The following AP1M1 variants were observed in gnomAD, a reference collection of about 807,000 sequenced individuals.
AP1M1 encodes adaptor related protein complex 1 subunit mu 1, also known as AP-1 complex subunit mu-1.
In AP1M1, 18 loss-of-function variants were observed where a neutral mutation model predicts 57.1. The observed-to-expected ratio is 0.32, with a 90% CI of 0.22 to 0.47. The LOEUF (loss-of-function observed/expected upper bound fraction) is 0.47. AP1M1 is among the 20% of genes least tolerant of loss of function. AP1M1 has a pLI of 1.00. For missense variants in AP1M1, 362 were observed against 593.5 expected (o/e 0.61, Z 4.05); for synonymous variants, 241 against 237.9 (o/e 1.01, Z -0.12).
In AP1M1 at chr19:16,228,169, C is replaced by CG; in HGVS notation, c.850dup (p.Glu284GlyfsTer36). 6.2e-7 allele frequency: 1 copy of CG among 1,613,828 alleles called. No individual in the cohort carries two copies. The highest frequency in any genetic ancestry group is 8.5e-7 in the Non-Finnish European group (1 of 1,180,006). On this transcript the variant is annotated frameshift_variant, in exon 8 of 12. Coordinates refer to ENST00000291439, the MANE Select transcript of AP1M1 (RefSeq NM_032493.4). LOFTEE classifies it high-confidence loss of function. The surrounding 1 kb of genome is among the most constrained non-coding windows in gnomAD (Gnocchi z 5.0). Reference sequence around the variant, plus strand: ...CTTTGATATGGATCGAGTCGGTGATCGAGAAGCACTCCCACAGCCGCATCG... The same window carrying CG: ...CTTTGATATGGATCGAGTCGGTGATCGGAGAAGCACTCCCACAGCCGCATCG...
At position 16,239,211 on chromosome 19, in the gene AP1M1, G is replaced by C. The variant is rs775740033; in HGVS notation, c.*4776G>C. 3 of 133,416 alleles carry C rather than the reference G, an allele frequency of 2.2e-5. No individual in the cohort carries two copies. The highest frequency in any genetic ancestry group is 3.1e-5 in the Non-Finnish European group (2 of 64,270). The allele number at this position is 133,416 out of a possible 1,614,324, so 8.3% of individuals were successfully genotyped here. On this transcript the variant is annotated 3_prime_UTR_variant, in exon 12 of 12. Coordinates refer to ENST00000291439, the MANE Select transcript of AP1M1 (RefSeq NM_032493.4). ...CCTTCCCAAAGTGCTGGGATTACAG[G>C]CATGAGCCACCGCGCCCGGCCAGTT... is the stretch of plus-strand genomic sequence containing the variant.
intron 1 of AP1M1, among the ~76,000 whole-genome samples, chr19:16,202,538 C>T (rs951513834): frequency 6.6e-6 from 1 of 152,184 alleles, no homozygotes; most frequent in Non-Finnish European, 1.5e-5. Context: ...AGGCACCCAC[C>T]GATGTGTTTT....
intron 9 of AP1M1, among the ~76,000 whole-genome samples, chr19:16,232,719 G>T (rs1012890254): frequency 2.6e-5 from 4 of 152,230 alleles, no homozygotes; most frequent in Admixed American, 2.0e-4. Context: ...GCCCTAGGCG[G>T]CAGTAGCTCC....
At chr19:16,198,210 G>C (rs2091432442) in intron 1 of AP1M1, 142 bp downstream of exon 1, 2 of 793,902 alleles carry the variant, frequency 2.5e-6, no homozygotes, top group Admixed American at 7.0e-5. Flanking sequence ...TCACCTGAGA[G>C]CCCCATCCTG....
At position 16,234,883 on chromosome 19, in the gene AP1M1, T is replaced by C; in HGVS notation, c.*448T>C. On this transcript the variant is annotated 3_prime_UTR_variant, in exon 12 of 12. Coordinates refer to ENST00000291439, the MANE Select transcript of AP1M1 (RefSeq NM_032493.4). ...AACGTTATGGGTTTATGGGTGTTCC[T>C]GGAACTTGTCTTTGTGCATTCGTTG... is the stretch of plus-strand genomic sequence containing the variant. The C allele has an allele frequency of 4.7e-6, 1 of 214,776 alleles. No homozygotes were observed. Among genetic ancestry groups the C allele is most frequent in the Non-Finnish European group, 9.4e-6 (1 of 106,114 alleles). 13.3% of individuals were successfully genotyped at this position (214,776 alleles called of 1,614,324 possible).
rs146150434 is a variant in AP1M1 at position 16,238,003 on chromosome 19, C to T, written c.*3568C>T. The T allele has an allele frequency of 5.6e-4, 85 of 152,138 alleles. No homozygotes were observed. Among genetic ancestry groups the T allele is most frequent in the African/African-American group, 1.9e-3 (80 of 41,508 alleles). 9.4% of individuals were successfully genotyped at this position (152,138 alleles called of 1,614,324 possible). On this transcript the variant is annotated 3_prime_UTR_variant, in exon 12 of 12. Transcript: ENST00000291439. The stretch of plus-strand genomic sequence containing the variant: ...ACAAGCACATGCCACCATGCTGGGC[C>T]AATTTTTCATATTTTTTATAGAGAT...
chr19:16,222,265 T>C (rs953495473), intron 5 of AP1M1, among the ~76,000 whole-genome samples: 4 of 150,672 alleles, frequency 2.7e-5, no homozygotes, highest in Non-Finnish European at 5.9e-5. Context: ...TGGAGAGCCA[T>C]GGAGCAAGCA....
intron 5 of AP1M1, among the ~76,000 whole-genome samples, chr19:16,220,652 A>G (rs949450983): frequency 2.0e-5 from 3 of 152,152 alleles, no homozygotes; most frequent in Admixed American, 1.3e-4. Context: ...CGGCCTCCCA[A>G]AATGCTGGGA....
Position 16,203,391 on chromosome 19 carries a change from C to G in AP1M1, c.43-68C>G, listed in dbSNP as rs1204476103. The stretch of plus-strand genomic sequence containing the variant: ...CGAAGCAGGGTGGTGCATCTCACCC[C>G]CTGCCCCAAGCCCCCAGATTGTAGA... On this transcript the variant is annotated intron_variant, in intron 1 of 11. Transcript: ENST00000291439. The surrounding 1 kb of genome is among the most constrained non-coding windows in gnomAD (Gnocchi z 4.6). The G allele has an allele frequency of 1.3e-6, 2 of 1,567,468 alleles. No homozygotes were observed. Among genetic ancestry groups the G allele is most frequent in the East Asian group, 2.2e-5 (1 of 44,478 alleles).
Position 16,206,270 on chromosome 19 carries a change from C to T in AP1M1, c.200-71C>T. On this transcript the variant is annotated intron_variant, in intron 2 of 11. Coordinates refer to ENST00000291439, the MANE Select transcript of AP1M1 (RefSeq NM_032493.4). The surrounding 1 kb of genome is among the most constrained non-coding windows in gnomAD (Gnocchi z 4.3). ...GAGGGTTGTGAGGGTTAGGGGGTCCCTCCATGAACCAGGATCTTCCAGGCA... is the reference window on the plus strand; with the variant it reads ...GAGGGTTGTGAGGGTTAGGGGGTCCTTCCATGAACCAGGATCTTCCAGGCA... 1 of 1,528,264 alleles carries T rather than the reference C, an allele frequency of 6.5e-7. No homozygotes were observed. The highest frequency in any genetic ancestry group is 9.1e-7 in the Non-Finnish European group (1 of 1,104,052). 94.7% of individuals were successfully genotyped at this position (1,528,264 alleles called of 1,614,324 possible).
chr19:16,226,902 C>T (rs1234244225), intron 6 of AP1M1, among the ~76,000 whole-genome samples: 2 of 152,176 alleles, frequency 1.3e-5, no homozygotes, highest in African/African-American at 4.8e-5. Flanking sequence ...AGGTGTGGGC[C>T]GTGTGAAGGC....
Position 16,228,293 on chromosome 19 carries a change from AG to A in AP1M1, c.888+88del. ...CCTAACCGAGGGCTGGGGGTGCCGT[AG>A]GGCTGCCATCCGTGCACCCTCACTG... On this transcript the variant is annotated intron_variant, in intron 8 of 11. Transcript: ENST00000291439. The surrounding 1 kb of genome is among the most constrained non-coding windows in gnomAD (Gnocchi z 5.0). 1 of 1,401,848 alleles carries A rather than the reference AG, an allele frequency of 7.1e-7. No homozygotes were observed. The allele number at this position is 1,401,848 out of a possible 1,614,324, so 86.8% of individuals were successfully genotyped here.
chr19:16,222,211 ATT>A (rs1185219025), intron 5 of AP1M1, among the ~76,000 whole-genome samples: 1 of 125,108 alleles, frequency 8.0e-6, no homozygotes, highest in African/African-American at 3.2e-5. Flanking sequence ...TATTATTATT[ATT>A]TTTTTTTTTT....
chr19:16,204,833 CTT>C (rs11307046), intron 2 of AP1M1, among the ~76,000 whole-genome samples: 128 of 133,304 alleles, frequency 9.6e-4, no homozygotes, highest in Non-Finnish European at 1.4e-3. Context: ...TCTTAGGTGG[CTT>C]TTTTTTTTTT....
Position 16,236,094 on chromosome 19 carries a change from A to C in AP1M1, c.*1659A>C, listed in dbSNP as rs1807906776. ...CCTGGGGCCCCTCCCCTCACTGTCC[A>C]CACCCATATCAGCAGCCAGCCCTCA... On this transcript the variant is annotated 3_prime_UTR_variant, in exon 12 of 12. Coordinates refer to ENST00000291439, the MANE Select transcript of AP1M1 (RefSeq NM_032493.4). 1 of 146,446 alleles carries C rather than the reference A, an allele frequency of 6.8e-6. No individual in the cohort carries two copies. Among genetic ancestry groups the C allele is most frequent in the Non-Finnish European group, 1.5e-5 (1 of 68,118 alleles). The allele number at this position is 146,446 out of a possible 1,614,324, so 9.1% of individuals were successfully genotyped here. A position where few individuals can be genotyped will look rare whatever the true frequency, so the allele number is the denominator to read the frequency against.
At chr19:16,198,761 G>T (rs1314649894) in intron 1 of AP1M1, among the ~76,000 whole-genome samples, 1 of 152,020 alleles carries the variant, frequency 6.6e-6, no homozygotes, top group African/African-American at 2.4e-5. Context: ...TGCCGGGCAG[G>T]GTACTAAGCC....
chr19:16,209,067 G>C lies in AP1M1; in HGVS notation c.436G>C (p.Ala146Pro). 6.2e-7 allele frequency: 1 copy of C among 1,614,168 alleles called. No individual in the cohort carries two copies. The highest frequency in any genetic ancestry group is 1.1e-5 in the South Asian group (1 of 91,082). ...GGAAGGCCACAAGCTGGAAACAGGGGCCCCGCGGCCACCAGCCACCGTCAC... is the reference window on the plus strand; with the variant it reads ...GGAAGGCCACAAGCTGGAAACAGGGCCCCCGCGGCCACCAGCCACCGTCAC... ...TQEGHKLETG[A>P]PRPPATVTNA... The change falls in exon 5 of 12, where the codon GCC becomes CCC. Residue 146 changes from alanine (A) to proline (P), a missense_variant. Around this residue, in one of 2 missense-constraint regions of AP1M1, gnomAD observed 337 missense variants for 511.1 expected, o/e 0.66. Transcript: ENST00000291439.
At chr19:16,201,459 CACAATCTCGG>C (rs2091446832) in intron 1 of AP1M1, among the ~76,000 whole-genome samples, 1 of 15,692 alleles carries the variant, frequency 6.4e-5, no homozygotes, top group Non-Finnish European at 3.8e-4. Context: ...AGTGCAATGG[CACAATCTCGG>C]CTCACTGCAA....
At position 16,233,603 on chromosome 19, in the gene AP1M1, T is replaced by C. The variant is rs1383210510; in HGVS notation, c.1158T>C (p.Thr386=). The change falls in exon 10 of 12, where the codon ACT becomes ACC. Residue 386 remains threonine (T), a synonymous_variant. Transcript: ENST00000291439. The part of the protein sequence containing the change: ...ISVKFEIPYF[T]TSGIQVRYLK... ...TCAAGTTCGAGATCCCTTACTTCAC[T>C]ACCTCCGGCATCCAGGTACGTAAGG... The C allele has an allele frequency of 6.2e-7, 1 of 1,611,384 alleles. No homozygotes were observed. The highest frequency in any genetic ancestry group is 1.1e-5 in the South Asian group (1 of 90,434).
Sources: allele counts gnomAD v4.1 joint callset (sites outside exome capture counted in the v4.1 genomes callset), GRCh38; gene constraint gnomAD v4.1.1; regional missense constraint gnomAD v4.1.1; non-coding constraint Gnocchi (gnomAD v3.1); transcripts MANE v1.5; gene names NCBI Gene and HGNC (gene_info 2026-07-23, HGNC 2026-07-21).